ITGBL1: variants seen among roughly 807,000 people sequenced by gnomAD.
The protein encoded by ITGBL1 is integrin beta-like protein 1.
A neutral mutation model predicts 68.5 loss-of-function variants in ITGBL1; 51 were observed. The observed-to-expected ratio is 0.74, with a 90% confidence interval of 0.59 to 0.94. The LOEUF (loss-of-function observed/expected upper bound fraction) is 0.94, where lower values mean the gene tolerates loss of function less well. Ranked by LOEUF, ITGBL1 falls within the 40% of genes least tolerant of loss-of-function variation. The pLI, the probability that ITGBL1 is intolerant of heterozygous loss-of-function variation, is 0.00. For missense variants in ITGBL1, 649 were observed against 647.4 expected, an observed-to-expected ratio of 1.00 and a Z score of -0.03; for synonymous variants, 209 against 227.3, an observed-to-expected ratio of 0.92 and a Z score of 0.72.
At chr13:101,460,492 T>C (rs1020182344) in intron 2 of ITGBL1, among the ~76,000 whole-genome samples, 11 of 152,242 alleles carry the variant, frequency 7.2e-5, no homozygotes, top group African/African-American at 1.9e-4. Flanking sequence ...AAGTGACGTA[T>C]AAAAGTTAAA....
chr13:101,598,637 C>T (rs1314671553), intron 7 of ITGBL1, among the ~76,000 whole-genome samples: 1 of 152,010 alleles, frequency 6.6e-6, no homozygotes, highest in African/African-American at 2.4e-5. Flanking sequence ...TTCCTGTGAC[C>T]ATGTGTTCTC....
At chr13:101,634,641 G>A (rs1177231953) in intron 7 of ITGBL1, among the ~76,000 whole-genome samples, 1 of 152,066 alleles carries the variant, frequency 6.6e-6, no homozygotes, top group Non-Finnish European at 1.5e-5. Flanking sequence ...TTTTTACAGT[G>A]GACCTACTCA....
At chr13:101,617,089 A>C (rs1024693915) in intron 7 of ITGBL1, among the ~76,000 whole-genome samples, 1 of 152,126 alleles carries the variant, frequency 6.6e-6, no homozygotes, top group African/African-American at 2.4e-5. Context: ...ATAAAATCAA[A>C]CAAAGACTTT....
intron 4 of ITGBL1, among the ~76,000 whole-genome samples, chr13:101,577,655 A>G (rs2050385602): frequency 6.6e-6 from 1 of 152,190 alleles, no homozygotes; most frequent in Admixed American, 6.6e-5. Flanking sequence ...CTGAAATTAC[A>G]GAGAAAATAA....
chr13:101,710,029 C>T (rs1382332870), intron 9 of ITGBL1, among the ~76,000 whole-genome samples: 1 of 152,196 alleles, frequency 6.6e-6, no homozygotes, highest in Non-Finnish European at 1.5e-5. Context: ...GACTCAAAGG[C>T]ATTTCCTGAA....
chr13:101,471,607 C>A lies in ITGBL1; in HGVS notation c.316+17507C>A, dbSNP rs552878815. Reference sequence around the variant, plus strand: ...CACTCTTGGGTGTGCAAATGAGCTACAACTCAGCTAGGCAAGCCTGGACTT... The same window carrying A: ...CACTCTTGGGTGTGCAAATGAGCTAAAACTCAGCTAGGCAAGCCTGGACTT... On this transcript the variant is annotated intron_variant, in intron 2 of 10. Coordinates refer to ENST00000376180, the MANE Select transcript of ITGBL1 (RefSeq NM_004791.3). Among the ~76,000 whole-genome samples, 3 of 151,624 alleles carry A rather than the reference C, an allele frequency of 2.0e-5. No individual in the cohort carries two copies. The South Asian group carries it at 6.2e-4, about 32-fold the overall frequency.
At chr13:101,645,537 A>G (rs1183628171) in intron 7 of ITGBL1, among the ~76,000 whole-genome samples, 1 of 152,150 alleles carries the variant, frequency 6.6e-6, no homozygotes, top group East Asian at 1.9e-4. Context: ...GGGTCATTAT[A>G]TTGTATAGGC....
chr13:101,716,667 T>C (rs1215042683), downstream of ITGBL1: 6 of 152,060 alleles, frequency 3.9e-5, no homozygotes, highest in African/African-American at 1.4e-4. Flanking sequence ...TATGCATCCA[T>C]TTCCCTTAAA....
intron 10 of ITGBL1, 75 bp downstream of exon 10, chr13:101,714,626 C>CTTTA: frequency 1.1e-6 from 1 of 905,112 alleles, no homozygotes; most frequent in Non-Finnish European, 1.9e-6. Flanking sequence ...TCATGCAATG[C>CTTTA]TTTAGGTGGC....
chr13:101,714,506 T>C lies in ITGBL1; in HGVS notation c.1348T>C (p.Cys450Arg). Reference protein sequence around the residue: ...EWYISGEFCDCDDRDCDKHDG... With the variant: ...EWYISGEFCDRDDRDCDKHDG... ...GTATATTTCTGGGGAGTTCTGTGAC[T>C]GTGATGACAGAGACTGCGACAAACA... The change falls in exon 10 of 11, where the codon TGT becomes CGT. Residue 450 changes from cysteine (C) to arginine (R), a missense_variant. Cys to Arg is a radical substitution (Grantham distance 180, BLOSUM62 -3). Coordinates refer to ENST00000376180, the MANE Select transcript of ITGBL1 (RefSeq NM_004791.3). 2 of 1,612,294 alleles carry C rather than the reference T, an allele frequency of 1.2e-6. No individual in the cohort carries two copies. The highest frequency in any genetic ancestry group is 3.3e-4 in the Middle Eastern group (2 of 6,058).
At chr13:101,508,304 T>C (rs990550729) in intron 2 of ITGBL1, among the ~76,000 whole-genome samples, 4 of 152,196 alleles carry the variant, frequency 2.6e-5, no homozygotes, top group African/African-American at 4.8e-5. Context: ...CACCAAAAGT[T>C]GTACATTTAG....
At chr13:101,669,841 C>G (rs2033315028) in intron 7 of ITGBL1, among the ~76,000 whole-genome samples, 1 of 152,148 alleles carries the variant, frequency 6.6e-6, no homozygotes, top group Non-Finnish European at 1.5e-5. Context: ...AGATTCATGT[C>G]TCAGAAGTTC....
chr13:101,618,997 G>A (rs2139382974), intron 7 of ITGBL1, among the ~76,000 whole-genome samples: 1 of 152,196 alleles, frequency 6.6e-6, no homozygotes, highest in Non-Finnish European at 1.5e-5. Flanking sequence ...GGGGCAACGA[G>A]ATGTGAGACT....
chr13:101,623,187 T>A (rs2139392063), intron 7 of ITGBL1, among the ~76,000 whole-genome samples: 2 of 152,152 alleles, frequency 1.3e-5, no homozygotes, highest in African/African-American at 4.8e-5. Context: ...CTACAAATTT[T>A]AAAATATTAA....
intron 2 of ITGBL1, among the ~76,000 whole-genome samples, chr13:101,464,591 G>C (rs928176493): frequency 1.3e-5 from 2 of 149,696 alleles, no homozygotes; most frequent in African/African-American, 4.9e-5. Flanking sequence ...TGCTTGTATA[G>C]CCAATCAAAA....
At chr13:101,482,431 A>G (rs1019511450) in intron 2 of ITGBL1, among the ~76,000 whole-genome samples, 1 of 152,130 alleles carries the variant, frequency 6.6e-6, no homozygotes, top group Admixed American at 6.5e-5. Context: ...AAATTTGTCA[A>G]TAATAAAATT....
chr13:101,707,514 A>G (rs893872030), intron 9 of ITGBL1, among the ~76,000 whole-genome samples: 6 of 152,218 alleles, frequency 3.9e-5, no homozygotes, highest in Non-Finnish European at 7.3e-5. Context: ...CAATTGTTCC[A>G]AGTAAACATG....
At chr13:101,462,273 T>C (rs1417318563) in intron 2 of ITGBL1, among the ~76,000 whole-genome samples, 1 of 152,146 alleles carries the variant, frequency 6.6e-6, no homozygotes, top group Admixed American at 6.6e-5. Context: ...ACCCAGATAA[T>C]CCAGGATAAG....
intron 7 of ITGBL1, among the ~76,000 whole-genome samples, chr13:101,608,836 A>T (rs1186119358): frequency 6.6e-6 from 1 of 152,060 alleles, no homozygotes; most frequent in Non-Finnish European, 1.5e-5. Flanking sequence ...TAAATAAATG[A>T]CCCTGCAAAA....
Sources: allele counts gnomAD v4.1 joint callset (sites outside exome capture counted in the v4.1 genomes callset), GRCh38; gene constraint gnomAD v4.1.1; transcripts MANE v1.5; gene names NCBI Gene and HGNC (gene_info 2026-07-23, HGNC 2026-07-21).